The following WWC2 variants were observed in gnomAD, a reference collection of about 807,000 sequenced individuals.
The protein encoded by WWC2 is protein WWC2.
WWC2 carries 101 observed loss-of-function variants against 138.5 expected under a neutral mutation model. The observed-to-expected ratio is 0.73, with a 90% CI of 0.62 to 0.86. The LOEUF (loss-of-function observed/expected upper bound fraction) is 0.86. Ranked by LOEUF, WWC2 falls within the 40% of genes least tolerant of loss-of-function variation. The pLI is 0.00. For missense variants in WWC2, 1,420 were observed against 1,419.4 expected (o/e 1.00, Z -0.01); for synonymous variants, 558 against 538.4 (o/e 1.04, Z -0.50).
intron 1 of WWC2, among the ~76,000 whole-genome samples, chr4:183,167,539 A>T (rs1734160335): frequency 1.3e-5 from 2 of 152,138 alleles, no homozygotes; most frequent in Non-Finnish European, 2.9e-5. Context: ...CCTCCAATTA[A>T]CATCTTTCTG....
At chr4:183,171,053 C>T (rs1444247470) in intron 1 of WWC2, among the ~76,000 whole-genome samples, 3 of 152,198 alleles carry the variant, frequency 2.0e-5, no homozygotes, top group Non-Finnish European at 4.4e-5. Flanking sequence ...ATTTCAGATG[C>T]AACCATAAGG....
At position 183,261,240 on chromosome 4, in the gene WWC2, C is replaced by A; in HGVS notation, c.1617C>A (p.Ala539=). ...GCCACACTCCTCCACTGGCTGAGGC[C>A]CCGAAGTCTGTGGCCTCCCTGTCCT... ...ATGHTPPLAE[A]PKSVASLSSR... is the part of the protein sequence containing the mutation. The change falls in exon 11 of 23, where the codon GCC becomes GCA. Residue 539 remains alanine, a synonymous_variant. Coordinates refer to ENST00000403733, the MANE Select transcript of WWC2 (RefSeq NM_024949.6). 1 of 1,612,918 alleles carries A rather than the reference C, an allele frequency of 6.2e-7. No homozygotes were observed. The highest frequency in any genetic ancestry group is 1.1e-5 in the South Asian group (1 of 90,850).
At chr4:183,195,757 A>G (rs1735123892) in intron 2 of WWC2, among the ~76,000 whole-genome samples, 1 of 152,148 alleles carries the variant, frequency 6.6e-6, no homozygotes, top group African/African-American at 2.4e-5. Context: ...TCTTCCCTTC[A>G]CAGCCAGACT....
chr4:183,268,594 A>G (rs1200660106), intron 14 of WWC2, among the ~76,000 whole-genome samples: 1 of 152,174 alleles, frequency 6.6e-6, no homozygotes, highest in Non-Finnish European at 1.5e-5. Context: ...ACCAGTATCT[A>G]CTTAGTGTGT....
At chr4:183,156,358 C>T (rs1205720279) in intron 1 of WWC2, among the ~76,000 whole-genome samples, 8 of 117,888 alleles carry the variant, frequency 6.8e-5, no homozygotes, top group Non-Finnish European at 1.2e-4. Context: ...TTTTTTGAGA[C>T]GGAGTCCCAC....
At chr4:183,158,026 T>G (rs1326156086) in intron 1 of WWC2, among the ~76,000 whole-genome samples, 1 of 152,050 alleles carries the variant, frequency 6.6e-6, no homozygotes, top group Non-Finnish European at 1.5e-5. Flanking sequence ...CATCTCACCT[T>G]AGTATTTTCA....
At chr4:183,220,428 TA>T (rs1024044812) in intron 4 of WWC2, among the ~76,000 whole-genome samples, 2 of 151,924 alleles carry the variant, frequency 1.3e-5, no homozygotes, top group African/African-American at 4.8e-5. Flanking sequence ...GGATAATAGT[TA>T]AACATTTACA....
intron 4 of WWC2, among the ~76,000 whole-genome samples, chr4:183,235,602 C>T (rs1736397707): frequency 6.6e-6 from 1 of 152,106 alleles, no homozygotes; most frequent in Non-Finnish European, 1.5e-5. Context: ...CCTCTGTGAC[C>T]ATCTTGTTTC....
intron 21 of WWC2, among the ~76,000 whole-genome samples, chr4:183,296,982 A>G (rs999260346): frequency 2.1e-5 from 3 of 143,300 alleles, no homozygotes; most frequent in South Asian, 4.6e-4. Flanking sequence ...ATTTCTTAAT[A>G]GAGGATTTCT....
chr4:183,311,472 G>A (rs546708867), intron 21 of WWC2, among the ~76,000 whole-genome samples: 9 of 152,280 alleles, frequency 5.9e-5, no homozygotes, highest in East Asian at 5.8e-4. Context: ...GGGAACCCTC[G>A]GGGCAGAGCG....
chr4:183,105,962 G>T (rs1391711943), intron 1 of WWC2, among the ~76,000 whole-genome samples: 2 of 151,334 alleles, frequency 1.3e-5, no homozygotes, highest in East Asian at 3.9e-4. Context: ...AGTTACCACA[G>T]AATAATGTAG....
intron 3 of WWC2, 134 bp downstream of exon 3, chr4:183,208,290 T>C: frequency 2.1e-6 from 2 of 963,152 alleles, no homozygotes; most frequent in Non-Finnish European, 3.0e-6. Context: ...TCAAAACCAT[T>C]GAGAGGTGAG....
At chr4:183,282,655 G>C in intron 17 of WWC2, 53 bp from the exon 18 acceptor site, 1 of 1,528,990 alleles carries the variant, frequency 6.5e-7, no homozygotes, top group Non-Finnish European at 8.9e-7. Flanking sequence ...CAGGTTGCGT[G>C]TTCATGGAGC....
At chr4:183,214,962 T>C (rs79993994) in intron 4 of WWC2, among the ~76,000 whole-genome samples, 2,620 of 152,280 alleles carry the variant, frequency 0.017, 82 homozygotes, top group African/African-American at 0.06. Context: ...TGCTAACTTG[T>C]AACACCAAAC....
chr4:183,138,834 T>TC, intron 1 of WWC2, among the ~76,000 whole-genome samples: 1 of 152,222 alleles, frequency 6.6e-6, no homozygotes, highest in Non-Finnish European at 1.5e-5. Context: ...AGCAGGATTG[T>TC]TGGTCTGGCA....
Position 183,284,296 on chromosome 4 carries a change from G to C in WWC2, c.2954G>C (p.Ser985Thr). ...NMAVRPKERS[S>T]LSSRQHPFVR... ...GCAGTTCGCCCCAAAGAGCGCAGCAGCCTGAGCTCTAGACAGCATCCGTTT... is the reference window on the plus strand; with the variant it reads ...GCAGTTCGCCCCAAAGAGCGCAGCACCCTGAGCTCTAGACAGCATCCGTTT... Residue 985 changes from serine to threonine, a missense_variant, in exon 19 of 23, where the codon AGC becomes ACC. Transcript: ENST00000403733. 6.2e-7 allele frequency: 1 copy of C among 1,614,016 alleles called. No homozygotes were observed. The highest frequency in any genetic ancestry group is 8.5e-7 in the Non-Finnish European group (1 of 1,179,896).
chr4:183,158,525 T>C (rs1291898050), intron 1 of WWC2, among the ~76,000 whole-genome samples: 1 of 151,750 alleles, frequency 6.6e-6, no homozygotes, highest in African/African-American at 2.4e-5. Flanking sequence ...TGCCAGTCAG[T>C]CTAGATTAGG....
intron 16 of WWC2, among the ~76,000 whole-genome samples, chr4:183,271,492 A>G (rs570315686): frequency 6.6e-6 from 1 of 152,362 alleles, no homozygotes; most frequent in Non-Finnish European, 1.5e-5. Context: ...CCTTGTAAAA[A>G]TAAACTGACA....
Position 183,315,879 on chromosome 4 carries a change from A to G in WWC2, c.*150A>G. On this transcript the variant is annotated 3_prime_UTR_variant, in exon 23 of 23. Transcript: ENST00000403733. The stretch of plus-strand genomic sequence containing the variant: ...AACTTTTATTTCACATCAGATTTTC[A>G]ACACATTAATTTGTAAAGTACCTTG... The G allele has an allele frequency of 1.7e-6, 1 of 584,246 alleles. No individual in the cohort carries two copies. Among genetic ancestry groups the G allele is most frequent in the South Asian group, 2.3e-5 (1 of 44,066 alleles). 36.2% of individuals were successfully genotyped at this position (584,246 alleles called of 1,614,324 possible).
Sources: allele counts gnomAD v4.1 joint callset (sites outside exome capture counted in the v4.1 genomes callset), GRCh38; gene constraint gnomAD v4.1.1; transcripts MANE v1.5; gene names NCBI Gene and HGNC (gene_info 2026-07-23, HGNC 2026-07-21).